Variants in BHLHE23 observed in about 807,000 individuals in gnomAD.
BHLHE23 encodes class E basic helix-loop-helix protein 23.
For missense variants in BHLHE23, 401 were observed against 380.0 expected (o/e 1.06, Z -0.46); for synonymous variants, 204 against 184.4 (o/e 1.11, Z -0.86).
Position 63,006,853 on chromosome 20 carries a change from C to A in BHLHE23, c.-79G>T. On this transcript the variant is annotated 5_prime_UTR_variant, in exon 1 of 1. Transcript: ENST00000612929. Reference sequence around the variant, plus strand: ...CGATGAGGCTCCCGGCTCTGCGCGTCGGTCTGGCTTGCCTGCGGGTCCCAG... The same window carrying A: ...CGATGAGGCTCCCGGCTCTGCGCGTAGGTCTGGCTTGCCTGCGGGTCCCAG... 8.2e-7 allele frequency: 1 copy of A among 1,224,710 alleles called. No homozygotes were observed. The highest frequency in any genetic ancestry group is 4.0e-5 in the South Asian group (1 of 24,882). The allele number at this position is 1,224,710 out of a possible 1,614,324, so 75.9% of individuals were successfully genotyped here. A position where few individuals can be genotyped will look rare whatever the true frequency, so the allele number is the denominator to read the frequency against.
In BHLHE23 at chr20:63,006,019, C is replaced by T; in HGVS notation, c.*30G>A. 6.7e-7 allele frequency: 1 copy of T among 1,488,454 alleles called. No homozygotes were observed. Among genetic ancestry groups the T allele is most frequent in the Non-Finnish European group, 8.9e-7 (1 of 1,124,710 alleles). 92.2% of individuals were successfully genotyped at this position (1,488,454 alleles called of 1,614,324 possible). On this transcript the variant is annotated 3_prime_UTR_variant, in exon 1 of 1. Transcript: ENST00000612929. ...GACAGTCACAGGGGCGATCGGAGGA[C>T]GCGTGCGGGAGGGCCGGGGGCCCGC...
In BHLHE23 at chr20:63,006,801, C is replaced by T. The variant is rs2147683392; in HGVS notation, c.-27G>A. 1 of 1,237,902 alleles carries T rather than the reference C, an allele frequency of 8.1e-7. No homozygotes were observed. The highest frequency in any genetic ancestry group is 3.2e-5 in the East Asian group (1 of 31,126). 76.7% of individuals were successfully genotyped at this position (1,237,902 alleles called of 1,614,324 possible). A position where few individuals can be genotyped will look rare whatever the true frequency, so the allele number is the denominator to read the frequency against. On this transcript the variant is annotated 5_prime_UTR_variant, in exon 1 of 1. Coordinates refer to ENST00000612929, the MANE Select transcript of BHLHE23 (RefSeq NM_080606.4). ...TGGGTGAGCAGCCCCCGAGGCCGGC[C>T]CGAGCCCGCCGCTGCCGCTGCCGCT...
chr20:63,006,423 G>A lies in BHLHE23; in HGVS notation c.352C>T (p.Arg118Trp). 3.9e-6 allele frequency: 6 copies of A among 1,538,100 alleles called. No homozygotes were observed. The highest frequency in any genetic ancestry group is 2.6e-5 in the East Asian group (1 of 38,132). ...RRRPREQRSL[R>W]LSINARERRR... ...CGCTCGCGCGCGTTGATGCTGAGCCGCAGAGACCGCTGCTCTCGCGGCCGC... is the reference window on the plus strand; with the variant it reads ...CGCTCGCGCGCGTTGATGCTGAGCCACAGAGACCGCTGCTCTCGCGGCCGC... The change falls in exon 1 of 1, where the codon CGG becomes TGG. Residue 118 changes from arginine to tryptophan, a missense_variant. By Grantham distance (101) the Arg-to-Trp change is moderately radical. Transcript: ENST00000612929.
Position 63,006,853 on chromosome 20 carries a change from C to G in BHLHE23, c.-79G>C, listed in dbSNP as rs1239864845. 2.4e-6 allele frequency: 3 copies of G among 1,224,714 alleles called. No individual in the cohort carries two copies. Among genetic ancestry groups the G allele is most frequent in the Non-Finnish European group, 3.1e-6 (3 of 982,922 alleles). 75.9% of individuals were successfully genotyped at this position (1,224,714 alleles called of 1,614,324 possible). ...CGATGAGGCTCCCGGCTCTGCGCGT[C>G]GGTCTGGCTTGCCTGCGGGTCCCAG... On this transcript the variant is annotated 5_prime_UTR_variant, in exon 1 of 1. Coordinates refer to ENST00000612929, the MANE Select transcript of BHLHE23 (RefSeq NM_080606.4).
chr20:63,006,214 G>A lies in BHLHE23; in HGVS notation c.561C>T (p.Gly187=). 1 of 1,602,014 alleles carries A rather than the reference G, an allele frequency of 6.2e-7. No homozygotes were observed. The highest frequency in any genetic ancestry group is 1.9e-4 in the Middle Eastern group (1 of 5,234). The change falls in exon 1 of 1, where the codon GGC becomes GGT. Residue 187 remains glycine (G), a synonymous_variant. Coordinates refer to ENST00000612929, the MANE Select transcript of BHLHE23 (RefSeq NM_080606.4). ...CGTTTACGGGCGCGGCCAGGCCCTG[G>A]CCCTGGTTGAGGAAGGCCACCAGGC... The part of the protein sequence containing the change: ...MRRLVAFLNQ[G]QGLAAPVNAA...
At position 63,006,199 on chromosome 20, in the gene BHLHE23, C is replaced by A. The variant is rs768091062; in HGVS notation, c.576G>T (p.Ala192=). The change falls in exon 1 of 1, where the codon GCG becomes GCT. Residue 192 remains alanine (A), a synonymous_variant. Coordinates refer to ENST00000612929, the MANE Select transcript of BHLHE23 (RefSeq NM_080606.4). The stretch of plus-strand genomic sequence containing the variant: ...GCGTCAAGGGCGCGGCGTTTACGGG[C>A]GCGGCCAGGCCCTGGCCCTGGTTGA... ...AFLNQGQGLA[A]PVNAAPLTPF... 6.3e-7 allele frequency: 1 copy of A among 1,590,144 alleles called. No homozygotes were observed. The highest frequency in any genetic ancestry group is 1.7e-5 in the Admixed American group (1 of 57,244).
chr20:63,006,418 G>T lies in BHLHE23; in HGVS notation c.357C>A (p.Leu119=). ...RRPREQRSLR[L]SINARERRRM... The stretch of plus-strand genomic sequence containing the variant: ...GCCGCCGCTCGCGCGCGTTGATGCT[G>T]AGCCGCAGAGACCGCTGCTCTCGCG... Residue 119 remains leucine (L), a synonymous_variant, in exon 1 of 1, where the codon CTC becomes CTA. Transcript: ENST00000612929. 6.4e-7 allele frequency: 1 copy of T among 1,553,992 alleles called. No homozygotes were observed.
chr20:63,006,154 C>A lies in BHLHE23; in HGVS notation c.621G>T (p.Val207=). Residue 207 remains valine (V), a synonymous_variant, in exon 1 of 1, where the codon GTG becomes GTT. Transcript: ENST00000612929. ...GGGCGGCGCCTGCGGAGAAGGGGCA[C>A]ACAGTGGCCTGGCCGAAGGGCGTCA... The part of the protein sequence containing the change: ...APLTPFGQAT[V]CPFSAGAALG... 1.3e-6 allele frequency: 2 copies of A among 1,554,214 alleles called. No individual in the cohort carries two copies. The highest frequency in any genetic ancestry group is 4.8e-5 in the East Asian group (2 of 41,604).
Position 63,006,424 on chromosome 20 carries a change from C to A in BHLHE23, c.351G>T (p.Leu117=). The change falls in exon 1 of 1, where the codon CTG becomes CTT. Residue 117 remains leucine, a synonymous_variant. Coordinates refer to ENST00000612929, the MANE Select transcript of BHLHE23 (RefSeq NM_080606.4). ...GCTCGCGCGCGTTGATGCTGAGCCG[C>A]AGAGACCGCTGCTCTCGCGGCCGCC... ...GRRRPREQRS[L]RLSINARERR... 4 of 1,539,096 alleles carry A rather than the reference C, an allele frequency of 2.6e-6. No homozygotes were observed. Among genetic ancestry groups the A allele is most frequent in the Non-Finnish European group, 3.5e-6 (4 of 1,153,642 alleles).
At position 63,006,802 on chromosome 20, in the gene BHLHE23, C is replaced by T; in HGVS notation, c.-28G>A. On this transcript the variant is annotated 5_prime_UTR_variant, in exon 1 of 1. Coordinates refer to ENST00000612929, the MANE Select transcript of BHLHE23 (RefSeq NM_080606.4). ...GGGTGAGCAGCCCCCGAGGCCGGCC[C>T]GAGCCCGCCGCTGCCGCTGCCGCTG... 1 of 1,237,434 alleles carries T rather than the reference C, an allele frequency of 8.1e-7. No homozygotes were observed. Among genetic ancestry groups the T allele is most frequent in the South Asian group, 3.5e-5 (1 of 28,192 alleles). The allele number at this position is 1,237,434 out of a possible 1,614,324, so 76.7% of individuals were successfully genotyped here. A position where few individuals can be genotyped will look rare whatever the true frequency, so the allele number is the denominator to read the frequency against.
At position 63,006,723 on chromosome 20, in the gene BHLHE23, C is replaced by T; in HGVS notation, c.52G>A (p.Ala18Thr). ...TCCCCCGACAGCGACTTGAGCTCGG[C>T]CATGGCCGCGCCGCCTGGGCTCGGG... The part of the protein sequence containing the change: ...EPPSPGGAAM[A>T]ELKSLSGDAY... Residue 18 changes from alanine (A) to threonine (T), a missense_variant, in exon 1 of 1, where the codon GCC becomes ACC. Transcript: ENST00000612929. 1 of 1,327,982 alleles carries T rather than the reference C, an allele frequency of 7.5e-7. No individual in the cohort carries two copies. Among genetic ancestry groups the T allele is most frequent in the South Asian group, 2.0e-5 (1 of 50,252 alleles). 82.3% of individuals were successfully genotyped at this position (1,327,982 alleles called of 1,614,324 possible).
In BHLHE23 at chr20:63,006,700, C is replaced by T; in HGVS notation, c.75G>A (p.Gly25=). The part of the protein sequence containing the change: ...AAMAELKSLS[G]DAYLALSHGY... ...CGTGGCTTAGTGCCAGGTACGCGTC[C>T]CCCGACAGCGACTTGAGCTCGGCCA... The change falls in exon 1 of 1, where the codon GGG becomes GGA. Residue 25 remains glycine, a synonymous_variant. Transcript: ENST00000612929. The T allele has an allele frequency of 2.9e-6, 4 of 1,365,244 alleles. No homozygotes were observed. Among genetic ancestry groups the T allele is most frequent in the South Asian group, 1.7e-5 (1 of 58,392 alleles). The allele number at this position is 1,365,244 out of a possible 1,614,324, so 84.6% of individuals were successfully genotyped here. A position where few individuals can be genotyped will look rare whatever the true frequency, so the allele number is the denominator to read the frequency against.
Position 63,006,262 on chromosome 20 carries a change from C to T in BHLHE23, c.513G>A (p.Ala171=), listed in dbSNP as rs774207730. ...GGCGCCGCATCTCGTCCAGGGCCTG[C>T]GCCTGCATGAGGATATAGTTCTTGG... The part of the protein sequence containing the change: ...LLAKNYILMQ[A]QALDEMRRLV... The change falls in exon 1 of 1, where the codon GCG becomes GCA. Residue 171 remains alanine (A), a synonymous_variant. Coordinates refer to ENST00000612929, the MANE Select transcript of BHLHE23 (RefSeq NM_080606.4). The T allele has an allele frequency of 4.3e-5, 70 of 1,610,922 alleles. No homozygotes were observed. The highest frequency in any genetic ancestry group is 4.4e-5 in the Non-Finnish European group (52 of 1,179,674).
In BHLHE23 at chr20:63,006,223, G is replaced by T; in HGVS notation, c.552C>A (p.Leu184=). 1.2e-6 allele frequency: 2 copies of T among 1,606,004 alleles called. No individual in the cohort carries two copies. The highest frequency in any genetic ancestry group is 1.7e-5 in the Admixed American group (1 of 59,458). The part of the protein sequence containing the change: ...LDEMRRLVAF[L]NQGQGLAAPV... ...GCGCGGCCAGGCCCTGGCCCTGGTTGAGGAAGGCCACCAGGCGCCGCATCT... is the reference window on the plus strand; with the variant it reads ...GCGCGGCCAGGCCCTGGCCCTGGTTTAGGAAGGCCACCAGGCGCCGCATCT... The change falls in exon 1 of 1, where the codon CTC becomes CTA. Residue 184 remains leucine, a synonymous_variant. Transcript: ENST00000612929.
In BHLHE23 at chr20:63,006,787, C is replaced by T. The variant is rs2065793710; in HGVS notation, c.-13G>A. The stretch of plus-strand genomic sequence containing the variant: ...GGCGGATGCTCATGTGGGTGAGCAG[C>T]CCCCGAGGCCGGCCCGAGCCCGCCG... On this transcript the variant is annotated 5_prime_UTR_variant, in exon 1 of 1. Transcript: ENST00000612929. The T allele has an allele frequency of 8.0e-7, 1 of 1,246,970 alleles. No homozygotes were observed. The highest frequency in any genetic ancestry group is 1.0e-6 in the Non-Finnish European group (1 of 996,004). The allele number at this position is 1,246,970 out of a possible 1,614,324, so 77.2% of individuals were successfully genotyped here.
Position 63,006,038 on chromosome 20 carries a change from G to C in BHLHE23, c.*11C>G. 2 of 1,503,320 alleles carry C rather than the reference G, an allele frequency of 1.3e-6. No individual in the cohort carries two copies. The highest frequency in any genetic ancestry group is 1.8e-6 in the Non-Finnish European group (2 of 1,131,560). The allele number at this position is 1,503,320 out of a possible 1,614,324, so 93.1% of individuals were successfully genotyped here. Reference sequence around the variant, plus strand: ...GGAGGACGCGTGCGGGAGGGCCGGGGGCCCGCGCGGTCACGGCTTCTCGTG... The same window carrying C: ...GGAGGACGCGTGCGGGAGGGCCGGGCGCCCGCGCGGTCACGGCTTCTCGTG... On this transcript the variant is annotated 3_prime_UTR_variant, in exon 1 of 1. Coordinates refer to ENST00000612929, the MANE Select transcript of BHLHE23 (RefSeq NM_080606.4).
chr20:63,006,531 C>T lies in BHLHE23; in HGVS notation c.244G>A (p.Gly82Ser), dbSNP rs918313604. 24 of 1,298,280 alleles carry T rather than the reference C, an allele frequency of 1.8e-5. No homozygotes were observed. Among genetic ancestry groups the T allele is most frequent in the African/African-American group, 7.8e-5 (5 of 64,292 alleles). The allele number at this position is 1,298,280 out of a possible 1,614,324, so 80.4% of individuals were successfully genotyped here. ...TCGTCCTCGTCCCCGCTCTGTTCGC[C>T]GCTGCTCTCCGCCGCCTGAGCTGGG... ...RAPAQAAESSGEQSGDEDDAF... is the reference protein window; with the variant it reads ...RAPAQAAESSSEQSGDEDDAF... Residue 82 changes from glycine to serine, a missense_variant, in exon 1 of 1, where the codon GGC (glycine) becomes AGC (serine). Transcript: ENST00000612929.
chr20:63,006,439 T>TCGCGGC lies in BHLHE23; in HGVS notation c.330_335dup (p.Pro111_Arg112dup), dbSNP rs770352919. ...TGCTGAGCCGCAGAGACCGCTGCTC[T>TCGCGGC]CGCGGCCGCCGCCGCCCGTCCGCCG... is the stretch of plus-strand genomic sequence containing the variant. On this transcript the variant is annotated inframe_insertion, in exon 1 of 1. Coordinates refer to ENST00000612929, the MANE Select transcript of BHLHE23 (RefSeq NM_080606.4). 78 of 1,473,152 alleles carry TCGCGGC rather than the reference T, an allele frequency of 5.3e-5. No individual in the cohort carries two copies. Among genetic ancestry groups the TCGCGGC allele is most frequent in the African/African-American group, 3.4e-4 (23 of 67,848 alleles). The allele number at this position is 1,473,152 out of a possible 1,614,324, so 91.3% of individuals were successfully genotyped here. A position where few individuals can be genotyped will look rare whatever the true frequency, so the allele number is the denominator to read the frequency against.
In BHLHE23 at chr20:63,006,178, C is replaced by G. The variant is rs757586742; in HGVS notation, c.597G>C (p.Leu199Phe). Residue 199 changes from leucine to phenylalanine, a missense_variant, in exon 1 of 1, where the codon TTG becomes TTC. By Grantham distance (22) the Leu-to-Phe change is conservative. Coordinates refer to ENST00000612929, the MANE Select transcript of BHLHE23 (RefSeq NM_080606.4). ...GLAAPVNAAP[L>F]TPFGQATVCP... is the part of the protein sequence containing the mutation. ...ACACAGTGGCCTGGCCGAAGGGCGT[C>G]AAGGGCGCGGCGTTTACGGGCGCGG... The G allele has an allele frequency of 4.5e-6, 7 of 1,572,326 alleles. No individual in the cohort carries two copies. The highest frequency in any genetic ancestry group is 6.0e-6 in the Non-Finnish European group (7 of 1,161,728).
Sources: allele counts gnomAD v4.1 joint callset, GRCh38; gene constraint gnomAD v4.1.1; transcripts MANE v1.5; gene names NCBI Gene and HGNC (gene_info 2026-07-23, HGNC 2026-07-21).